Variants in VWC2 observed in about 807,000 individuals in gnomAD.
VWC2 encodes von Willebrand factor C domain containing 2, also known as brorin.
In VWC2, 14 loss-of-function variants were observed where a neutral mutation model predicts 29.8. The observed-to-expected ratio is 0.47, with a 90% CI of 0.31 to 0.74. VWC2 has a LOEUF of 0.74. Among genes scored for constraint, VWC2 ranks in the 30% least tolerant of loss-of-function variants. The probability of loss-of-function intolerance (pLI) is 0.05; values close to 1 mark genes in which losing one functional copy is unlikely to be tolerated. For missense variants in VWC2, 457 were observed against 459.8 expected, an observed-to-expected ratio of 0.99 and a Z score of 0.05; for synonymous variants, 213 against 199.0, an observed-to-expected ratio of 1.07 and a Z score of -0.59.
chr7:49,787,427 T>C (rs1181000529), intron 2 of VWC2, among the ~76,000 whole-genome samples: 1 of 152,204 alleles, frequency 6.6e-6, no homozygotes, highest in African/African-American at 2.4e-5. Flanking sequence ...TTCAAGTAAG[T>C]CACTATTCTT....
At chr7:49,864,488 A>C (rs1193848895) in intron 3 of VWC2, among the ~76,000 whole-genome samples, 1 of 152,150 alleles carries the variant, frequency 6.6e-6, no homozygotes, top group East Asian at 1.9e-4. Context: ...GAATGCCCGA[A>C]TATCCCAAGG....
intron 3 of VWC2, among the ~76,000 whole-genome samples, chr7:49,815,383 G>A (rs543792777): frequency 6.6e-6 from 1 of 152,120 alleles, no homozygotes; most frequent in African/African-American, 2.4e-5. Context: ...AGATTATTAG[G>A]TTGACATCTT....
chr7:49,811,143 T>C (rs1788996725), intron 3 of VWC2, among the ~76,000 whole-genome samples: 2 of 152,158 alleles, frequency 1.3e-5, no homozygotes, highest in African/African-American at 4.8e-5. Context: ...CCAGGGTATA[T>C]AAACAACTCA....
rs114357670 is a variant in VWC2, at chr7:49,869,509, G to A, written c.827-42525G>A. Among the ~76,000 whole-genome samples the A allele has an allele frequency of 3.1e-3, 477 of 152,242 alleles. 2 individuals carry two copies. Among genetic ancestry groups the A allele is most frequent in the African/African-American group, 0.01 (432 of 41,532 alleles). ...TACAAAAGTAGGTGCTATGGTTGCT[G>A]TATCATGATATTTCTAAGCTTTATA... On this transcript the variant is annotated intron_variant, in intron 3 of 3. Transcript: ENST00000340652.
Position 49,915,901 on chromosome 7 carries a change from C to G in VWC2, c.*3716C>G, listed in dbSNP as rs896091814. The stretch of plus-strand genomic sequence containing the variant: ...GCCAACATAATTTGTAACTGTCTTA[C>G]TGAACCTACTTACCTACTATATTTT... On this transcript the variant is annotated 3_prime_UTR_variant, in exon 4 of 4. Transcript: ENST00000340652. The G allele has an allele frequency of 3.3e-5, 5 of 152,166 alleles. No individual in the cohort carries two copies. The highest frequency in any genetic ancestry group is 1.2e-4 in the African/African-American group (5 of 41,448). The allele number at this position is 152,166 out of a possible 1,614,324, so 9.4% of individuals were successfully genotyped here. A position where few individuals can be genotyped will look rare whatever the true frequency, so the allele number is the denominator to read the frequency against.
rs1241759193 is a variant in VWC2, at chr7:49,802,850, A to G, written c.826+10A>G. 1.9e-6 allele frequency: 3 copies of G among 1,614,104 alleles called. No individual in the cohort carries two copies. Among genetic ancestry groups the G allele is most frequent in the Non-Finnish European group, 2.5e-6 (3 of 1,179,984 alleles). ...CCCATCTGCAAAAATGGTATGTGAG[A>G]TCCCCGTTGGTGACGGGGTGCACCT... On this transcript the variant is annotated intron_variant, in intron 3 of 3. Transcript: ENST00000340652.
intron 2 of VWC2, among the ~76,000 whole-genome samples, chr7:49,781,501 T>A (rs1156475090): frequency 2.6e-5 from 4 of 152,178 alleles, no homozygotes; most frequent in African/African-American, 9.7e-5. Flanking sequence ...TTGGTGGTAT[T>A]TTCTTTATTT....
At chr7:49,799,248 T>A (rs1583635150) in intron 2 of VWC2, among the ~76,000 whole-genome samples, 1 of 152,114 alleles carries the variant, frequency 6.6e-6, no homozygotes, top group Non-Finnish European at 1.5e-5. Flanking sequence ...TGGGTTAGGA[T>A]TGGAACTGCC....
At chr7:49,849,715 G>C (rs964271253) in intron 3 of VWC2, among the ~76,000 whole-genome samples, 11 of 152,194 alleles carry the variant, frequency 7.2e-5, no homozygotes, top group African/African-American at 2.4e-4. Flanking sequence ...GTGGATGTCA[G>C]CAGAAGCCTG....
chr7:49,909,104 C>T (rs961265515), intron 3 of VWC2, among the ~76,000 whole-genome samples: 1 of 152,046 alleles, frequency 6.6e-6, no homozygotes, highest in Admixed American at 6.6e-5. Flanking sequence ...CATTAAGGCA[C>T]ACAATAATTA....
intron 3 of VWC2, among the ~76,000 whole-genome samples, chr7:49,909,489 G>T (rs1433170656): frequency 2.0e-5 from 3 of 152,170 alleles, no homozygotes; most frequent in African/African-American, 7.2e-5. Flanking sequence ...GAGGCCAGTT[G>T]TGTGGGGTGT....
chr7:49,845,524 G>A (rs1269354212), intron 3 of VWC2, among the ~76,000 whole-genome samples: 1 of 152,176 alleles, frequency 6.6e-6, no homozygotes, highest in African/African-American at 2.4e-5. Context: ...ATATATCTGA[G>A]AGAGAGAGGC....
chr7:49,799,740 A>C (rs1788691457), intron 2 of VWC2, among the ~76,000 whole-genome samples: 1 of 152,246 alleles, frequency 6.6e-6, no homozygotes, highest in Non-Finnish European at 1.5e-5. Context: ...GAACATCATA[A>C]AGTGAACTTA....
intron 3 of VWC2, among the ~76,000 whole-genome samples, chr7:49,881,434 TAGAG>T (rs772253186): frequency 3.9e-5 from 6 of 152,130 alleles, no homozygotes; most frequent in East Asian, 1.9e-4. Context: ...GTTTAAAAAA[TAGAG>T]AGAGAGCACT....
chr7:49,870,407 T>TA (rs1228415615), intron 3 of VWC2, among the ~76,000 whole-genome samples: 1 of 152,130 alleles, frequency 6.6e-6, no homozygotes, highest in African/African-American at 2.4e-5. Flanking sequence ...CTCAAAAAAA[T>TA]AAAAAAATAA....
chr7:49,908,395 T>A (rs939793893), intron 3 of VWC2, among the ~76,000 whole-genome samples: 2 of 152,118 alleles, frequency 1.3e-5, no homozygotes, highest in Admixed American at 1.3e-4. Flanking sequence ...CAGGTCTTAG[T>A]GTAAAATGAG....
At chr7:49,847,734 A>G (rs1001442496) in intron 3 of VWC2, among the ~76,000 whole-genome samples, 2 of 152,260 alleles carry the variant, frequency 1.3e-5, no homozygotes, top group African/African-American at 4.8e-5. Flanking sequence ...AGGATTGGCT[A>G]CTTGGAGTGA....
rs145584626 is a variant in VWC2 at position 49,787,289 on chromosome 7, C to T, written c.696+11158C>T. ...GCCCTTCTGTATGTATCTTTGCTTTCCTCATATCTAGCTTTAAAAACAATT... is the reference window on the plus strand; with the variant it reads ...GCCCTTCTGTATGTATCTTTGCTTTTCTCATATCTAGCTTTAAAAACAATT... On this transcript the variant is annotated intron_variant, in intron 2 of 3. Transcript: ENST00000340652. Among the ~76,000 whole-genome samples the T allele has an allele frequency of 3.7e-3, 559 of 152,338 alleles. 1 individual carries two copies. Among genetic ancestry groups the T allele is most frequent in the Non-Finnish European group, 6.2e-3 (420 of 68,030 alleles).
rs1019581231 is a variant in VWC2 at position 49,818,768 on chromosome 7, A to C, written c.826+15928A>C. ...TTCATATAAATATAAATTCATATAT[A>C]TATGAATTTGCCTTTAAAATAAAAT... On this transcript the variant is annotated intron_variant, in intron 3 of 3. Transcript: ENST00000340652. 6.0e-5 allele frequency among the ~76,000 whole-genome samples: 9 copies of C among 149,574 alleles called. No homozygotes were observed. In the Admixed American group the frequency reaches 6.0e-4, roughly 10 times the overall value.
Sources: gnomAD v4.1 joint callset for allele counts (sites outside exome capture counted in the v4.1 genomes callset) on GRCh38, gnomAD v4.1.1 for gene constraint, MANE v1.5 for transcripts, NCBI Gene and HGNC (gene_info 2026-07-23, HGNC 2026-07-21) for gene names.